STX8: variants seen among roughly 807,000 people sequenced by gnomAD.
STX8 encodes syntaxin 8, also known as syntaxin-8.
STX8 carries 23 observed loss-of-function variants against 37.5 expected under a neutral mutation model. That is an observed-to-expected ratio of 0.61 (90% CI 0.44 to 0.87). The LOEUF (loss-of-function observed/expected upper bound fraction) is 0.87. Among genes scored for constraint, STX8 ranks in the 40% least tolerant of loss-of-function variants. The probability of loss-of-function intolerance (pLI) is 0.00; values close to 1 mark genes in which losing one functional copy is unlikely to be tolerated. For missense variants in STX8, 313 were observed against 284.7 expected (o/e 1.10, Z -0.71); for synonymous variants, 115 against 99.1 (o/e 1.16, Z -0.95).
At chr17:9,397,164 G>A (rs373375498) in intron 6 of STX8, among the ~76,000 whole-genome samples, 3 of 152,336 alleles carry the variant, frequency 2.0e-5, no homozygotes, top group Admixed American at 6.5e-5. Context: ...TTGGGAGGCC[G>A]AGGCAGGCAG....
At chr17:9,252,210 C>T (rs947922477) in intron 7 of STX8, among the ~76,000 whole-genome samples, 2 of 150,006 alleles carry the variant, frequency 1.3e-5, no homozygotes, top group Non-Finnish European at 3.0e-5. Context: ...TTTGGGAGGC[C>T]GAGGCGGGCG....
intron 7 of STX8, among the ~76,000 whole-genome samples, chr17:9,356,044 C>G (rs1910871299): frequency 6.6e-6 from 1 of 152,124 alleles, no homozygotes; most frequent in South Asian, 2.1e-4. Context: ...CCTTCTTTTA[C>G]AGAGAGAAAG....
At chr17:9,495,680 C>G (rs1286914863) in intron 5 of STX8, among the ~76,000 whole-genome samples, 3 of 152,210 alleles carry the variant, frequency 2.0e-5, no homozygotes, top group African/African-American at 7.2e-5. Flanking sequence ...CTTAGCAATT[C>G]TCTCCACATC....
intron 7 of STX8, among the ~76,000 whole-genome samples, chr17:9,323,263 T>C (rs185179869): frequency 6.6e-6 from 1 of 152,134 alleles, no homozygotes; most frequent in Non-Finnish European, 1.5e-5. Context: ...CTTGGAAATT[T>C]CTCCTTCCTT....
intron 7 of STX8, among the ~76,000 whole-genome samples, chr17:9,357,418 G>A (rs549509909): frequency 1.3e-5 from 2 of 152,150 alleles, no homozygotes; most frequent in East Asian, 3.9e-4. Context: ...GGCCAGGCAC[G>A]GTGGCTCACG....
At chr17:9,355,269 C>T (rs950676434) in intron 7 of STX8, among the ~76,000 whole-genome samples, 4 of 150,684 alleles carry the variant, frequency 2.7e-5, no homozygotes, top group Non-Finnish European at 4.4e-5. Flanking sequence ...CCTACTCTTT[C>T]GATCTTGGAT....
At chr17:9,345,987 A>G (rs1597616951) in intron 7 of STX8, among the ~76,000 whole-genome samples, 2 of 150,290 alleles carry the variant, frequency 1.3e-5, no homozygotes, top group African/African-American at 2.5e-5. Context: ...GAGTAGCTGG[A>G]ATTACAGGCA....
At chr17:9,252,609 CAAAAA>C (rs60037652) in intron 7 of STX8, among the ~76,000 whole-genome samples, 2 of 94,048 alleles carry the variant, frequency 2.1e-5, no homozygotes, top group South Asian at 3.9e-4. Context: ...AACTCTGTCT[CAAAAA>C]AAAAAAAAAA....
chr17:9,376,642 C>T (rs902435534), intron 7 of STX8, among the ~76,000 whole-genome samples: 11 of 152,194 alleles, frequency 7.2e-5, no homozygotes, highest in South Asian at 6.2e-4. Flanking sequence ...TCTTTCGGTC[C>T]GCACCACCTT....
chr17:9,360,227 C>CTTTTTTTTTTTTTT (rs58213453), intron 7 of STX8, among the ~76,000 whole-genome samples: 22 of 72,612 alleles, frequency 3.0e-4, no homozygotes, highest in African/African-American at 1.1e-3. Context: ...AATTAACCGT[C>CTTTTTTTTTTTTTT]TTTTTTTTTT....
Position 9,547,642 on chromosome 17 carries a change from A to AAAAAAAAAAAG in STX8, c.213-2361_213-2360insCTTTTTTTTTT, listed in dbSNP as rs10694244. 4.6e-3 allele frequency among the ~76,000 whole-genome samples: 527 copies of AAAAAAAAAAAG among 115,630 alleles called. 5 individuals carry two copies. The highest frequency in any genetic ancestry group is 5.8e-3 in the Non-Finnish European group (339 of 58,396). 75.9% of individuals were successfully genotyped at this position (115,630 alleles called of 152,430 possible). On this transcript the variant is annotated intron_variant, in intron 3 of 7. Transcript: ENST00000306357. ...GACTCCGTCTCAAAAAAAAAAAAGA[A>AAAAAAAAAAAG]AAAAGAAAAGAAAAGAAAAGAAATA...
chr17:9,459,146 T>C (rs956398202), intron 6 of STX8, among the ~76,000 whole-genome samples: 3 of 152,072 alleles, frequency 2.0e-5, no homozygotes, highest in African/African-American at 7.2e-5. Flanking sequence ...CCAGTTATTT[T>C]AACAGAAAGA....
Position 9,536,487 on chromosome 17 carries a change from T to A in STX8, c.323+8685A>T, listed in dbSNP as rs751879804. On this transcript the variant is annotated intron_variant, in intron 4 of 7. Transcript: ENST00000306357. The stretch of plus-strand genomic sequence containing the variant: ...TTATATGTGGTTGAGAGCAGCCAAC[T>A]GCTATACTAGTCTAGAGAGCTAAAC... Among the ~76,000 whole-genome samples, 5 of 152,172 alleles carry A rather than the reference T, an allele frequency of 3.3e-5. No homozygotes were observed. In the South Asian group the frequency reaches 6.2e-4, roughly 19 times the overall value.
chr17:9,421,705 C>T (rs1913436590), intron 6 of STX8, among the ~76,000 whole-genome samples: 1 of 152,098 alleles, frequency 6.6e-6, no homozygotes, highest in South Asian at 2.1e-4. Flanking sequence ...ACTCTTCTTT[C>T]CTCACTCCAA....
At chr17:9,271,548 G>C (rs191420378) in intron 7 of STX8, among the ~76,000 whole-genome samples, 1 of 152,056 alleles carries the variant, frequency 6.6e-6, no homozygotes, top group Admixed American at 6.5e-5. Flanking sequence ...TCAAGAGATC[G>C]AGACCATCCT....
intron 7 of STX8, among the ~76,000 whole-genome samples, chr17:9,304,915 G>GAAAAAA (rs1200902556): frequency 1.5e-5 from 2 of 134,532 alleles, no homozygotes; most frequent in African/African-American, 3.1e-5. Flanking sequence ...ATATATGGGC[G>GAAAAAA]AAAAAAAAAA....
chr17:9,565,824 A>C (rs1402602751), intron 2 of STX8, among the ~76,000 whole-genome samples: 1 of 152,170 alleles, frequency 6.6e-6, no homozygotes, highest in Non-Finnish European at 1.5e-5. Context: ...TGGATTAAAG[A>C]CTTAACTGTA....
At chr17:9,302,958 AT>A (rs746891818) in intron 7 of STX8, among the ~76,000 whole-genome samples, 1 of 149,718 alleles carries the variant, frequency 6.7e-6, no homozygotes, top group Non-Finnish European at 1.5e-5. Context: ...AAAATGGTGA[AT>A]TTTATATGTG....
intron 4 of STX8, among the ~76,000 whole-genome samples, chr17:9,523,472 GTGTTCCTAGAGCCA>G (rs1350202414): frequency 6.6e-6 from 1 of 151,988 alleles, no homozygotes; most frequent in African/African-American, 2.4e-5. Flanking sequence ...GAGGGAGTTG[GTGTTCCTAGAGCCA>G]TGCCTTTTTG....
Sources: gnomAD v4.1 joint callset for allele counts (sites outside exome capture counted in the v4.1 genomes callset) on GRCh38, gnomAD v4.1.1 for gene constraint, MANE v1.5 for transcripts, NCBI Gene and HGNC (gene_info 2026-07-23, HGNC 2026-07-21) for gene names.